The following KCNH1 variants were observed in gnomAD, a reference collection of about 807,000 sequenced individuals.
KCNH1 encodes voltage-gated delayed rectifier potassium channel KCNH1.
In KCNH1, 27 loss-of-function variants were observed where a neutral mutation model predicts 69.2. That is an observed-to-expected ratio of 0.39 (90% CI 0.29 to 0.54). KCNH1 has a LOEUF of 0.54. Ranked by LOEUF, KCNH1 falls within the 20% of genes least tolerant of loss-of-function variation. The pLI, the probability that KCNH1 is intolerant of heterozygous loss-of-function variation, is 0.68. For synonymous variants in KCNH1, 456 were observed against 487.7 expected (o/e 0.93, Z 0.86); for missense variants, 798 against 1,261.6 (o/e 0.63, Z 5.57).
chr1:210,882,184 A>C (rs1193037300), intron 7 of KCNH1, among the ~76,000 whole-genome samples: 2 of 152,192 alleles, frequency 1.3e-5, no homozygotes, highest in Non-Finnish European at 2.9e-5. Flanking sequence ...CATGAACCTA[A>C]AATCACTCTA....
chr1:210,892,952 C>T (rs987608215), intron 7 of KCNH1, among the ~76,000 whole-genome samples: 5 of 152,042 alleles, frequency 3.3e-5, no homozygotes, highest in Non-Finnish European at 5.9e-5. Context: ...ATGATAAATG[C>T]AACGTAGGAG....
intron 6 of KCNH1, among the ~76,000 whole-genome samples, chr1:210,927,500 CA>C (rs1687596946): frequency 1.3e-5 from 2 of 152,240 alleles, no homozygotes; most frequent in South Asian, 4.1e-4. Flanking sequence ...CTTTTCCAGA[CA>C]AACAAATGCT....
At chr1:210,749,821 C>T (rs963066373) in intron 10 of KCNH1, among the ~76,000 whole-genome samples, 27 of 148,022 alleles carry the variant, frequency 1.8e-4, no homozygotes, top group Admixed American at 1.4e-3. Context: ...CATCTCATTG[C>T]GGCCTCCTCC....
At chr1:211,125,262 TCAGCCTCC>T (rs1234533909) in intron 1 of KCNH1, among the ~76,000 whole-genome samples, 2 of 152,126 alleles carry the variant, frequency 1.3e-5, no homozygotes, top group Admixed American at 1.3e-4. Flanking sequence ...TCTATACAGG[TCAGCCTCC>T]CAGCCTCCAA....
At chr1:211,070,768 G>C (rs556551138) in intron 5 of KCNH1, among the ~76,000 whole-genome samples, 2 of 150,500 alleles carry the variant, frequency 1.3e-5, no homozygotes, top group African/African-American at 2.4e-5. Flanking sequence ...GTTGCAGTGA[G>C]CCAAGATCAT....
intron 7 of KCNH1, among the ~76,000 whole-genome samples, chr1:210,865,809 AAGAC>A (rs1411289752): frequency 6.6e-6 from 1 of 152,174 alleles, no homozygotes; most frequent in Non-Finnish European, 1.5e-5. Context: ...CCAACTCTTT[AAGAC>A]AGACAGTTTT....
chr1:210,861,923 A>C (rs1437897173), intron 7 of KCNH1: 2 of 769,642 alleles, frequency 2.6e-6, no homozygotes, highest in Admixed American at 3.5e-5. Context: ...CAGCTTGGAT[A>C]ATCACGTTTG....
chr1:210,897,398 G>A (rs1016878088), intron 7 of KCNH1, among the ~76,000 whole-genome samples: 1 of 152,142 alleles, frequency 6.6e-6, no homozygotes, highest in Non-Finnish European at 1.5e-5. Flanking sequence ...CTCTGACTGG[G>A]TTGGTTACAA....
At chr1:211,045,829 A>G (rs900855503) in intron 5 of KCNH1, among the ~76,000 whole-genome samples, 2 of 152,152 alleles carry the variant, frequency 1.3e-5, no homozygotes, top group African/African-American at 4.8e-5. Context: ...TTTGACTAAT[A>G]TCTCCCTGTT....
intron 10 of KCNH1, among the ~76,000 whole-genome samples, chr1:210,694,405 G>T (rs1358006003): frequency 6.6e-6 from 1 of 151,850 alleles, no homozygotes; most frequent in Admixed American, 6.6e-5. Context: ...CTTATCCTGG[G>T]TAGAGGCCCG....
intron 5 of KCNH1, among the ~76,000 whole-genome samples, chr1:211,030,929 G>A (rs1423153974): frequency 6.6e-6 from 1 of 151,596 alleles, no homozygotes; most frequent in African/African-American, 2.4e-5. Flanking sequence ...CTGAGTAAAA[G>A]GTATAAACAG....
chr1:211,104,116 A>C (rs190132314), intron 2 of KCNH1, among the ~76,000 whole-genome samples: 1 of 152,366 alleles, frequency 6.6e-6, no homozygotes, highest in East Asian at 1.9e-4. Context: ...AGTATGATTG[A>C]AATATAGACA....
intron 10 of KCNH1, among the ~76,000 whole-genome samples, chr1:210,691,818 C>T (rs1681533085): frequency 6.6e-6 from 1 of 152,218 alleles, no homozygotes; most frequent in Non-Finnish European, 1.5e-5. Flanking sequence ...GAAACCCAGA[C>T]TTTGATTGAT....
At chr1:210,856,152 T>G (rs1211705117) in intron 7 of KCNH1, among the ~76,000 whole-genome samples, 5 of 152,164 alleles carry the variant, frequency 3.3e-5, no homozygotes. Context: ...AAAAACTCTG[T>G]TTTCCATATT....
chr1:210,984,209 T>C (rs372990276), intron 6 of KCNH1, among the ~76,000 whole-genome samples: 2 of 152,202 alleles, frequency 1.3e-5, no homozygotes, highest in South Asian at 2.1e-4. Flanking sequence ...TACAATCATG[T>C]CATCTGCAAA....
chr1:210,934,121 C>T (rs1687730717), intron 6 of KCNH1, among the ~76,000 whole-genome samples: 1 of 152,064 alleles, frequency 6.6e-6, no homozygotes, highest in Admixed American at 6.5e-5. Flanking sequence ...GGACATTAGT[C>T]TGGGAAAAGA....
At chr1:210,995,614 C>T (rs968644272) in intron 6 of KCNH1, among the ~76,000 whole-genome samples, 22 of 152,172 alleles carry the variant, frequency 1.4e-4, no homozygotes, top group African/African-American at 4.8e-4. Flanking sequence ...TACCCCTAAA[C>T]AGAATTGGGC....
At chr1:211,108,708 A>G (rs1468178130) in intron 1 of KCNH1, 1 of 152,260 alleles carries the variant, frequency 6.6e-6, no homozygotes, top group Non-Finnish European at 1.5e-5. Context: ...ACAGCAATCT[A>G]TTCTTGAGAA....
intron 5 of KCNH1, among the ~76,000 whole-genome samples, chr1:211,035,571 G>T (rs1057219927): frequency 2.6e-5 from 4 of 152,094 alleles, no homozygotes. Context: ...ATTTTATCAG[G>T]ATAAATGTGA....
Sources: allele counts gnomAD v4.1 joint callset (sites outside exome capture counted in the v4.1 genomes callset), GRCh38; gene constraint gnomAD v4.1.1; transcripts MANE v1.5; gene names NCBI Gene and HGNC (gene_info 2026-07-23, HGNC 2026-07-21).